FSIP1: variants seen among roughly 807,000 people sequenced by gnomAD.
FSIP1 encodes the protein fibrous sheath interacting protein 1.
Under a neutral mutation model 60.9 loss-of-function variants are expected in FSIP1, and 65 were observed. The observed-to-expected ratio is 1.07, with a 90% CI of 0.87 to 1.31. The LOEUF (loss-of-function observed/expected upper bound fraction) is 1.31, where lower values mean the gene tolerates loss of function less well. Ranked by LOEUF, FSIP1 falls within the 40% of genes most tolerant of loss-of-function variation. The pLI, the probability that FSIP1 is intolerant of heterozygous loss-of-function variation, is 0.00. For synonymous variants in FSIP1, 209 were observed against 221.2 expected, an observed-to-expected ratio of 0.94 and a Z score of 0.49; for missense variants, 675 against 665.5, an observed-to-expected ratio of 1.01 and a Z score of -0.16.
chr15:39,658,548 C>A (rs1893165873), intron 10 of FSIP1, among the ~76,000 whole-genome samples: 1 of 152,110 alleles, frequency 6.6e-6, no homozygotes, highest in Non-Finnish European at 1.5e-5. Context: ...CCGCAACTGG[C>A]CTAAACAGAC....
intron 10 of FSIP1, among the ~76,000 whole-genome samples, chr15:39,676,231 G>A (rs572167851): frequency 6.6e-6 from 1 of 150,500 alleles, no homozygotes; most frequent in Admixed American, 6.6e-5. Context: ...AGAGTCTTGA[G>A]AAACTAGTGG....
intron 5 of FSIP1, among the ~76,000 whole-genome samples, chr15:39,742,991 T>C (rs1896855953): frequency 1.3e-5 from 2 of 152,170 alleles, no homozygotes; most frequent in Admixed American, 6.5e-5. Flanking sequence ...GCAACCACTA[T>C]TATTAGGGGG....
At chr15:39,776,580 A>C (rs1358638307) in intron 1 of FSIP1, 49 bp from the exon 2 acceptor site, 1 of 1,463,302 alleles carries the variant, frequency 6.8e-7, no homozygotes, top group Admixed American at 1.9e-5. Context: ...GGATATTTAA[A>C]TCTTTCATTA....
chr15:39,739,841 C>A (rs769805169), intron 6 of FSIP1, 52 bp from the exon 7 acceptor site: 1 of 1,174,084 alleles, frequency 8.5e-7, no homozygotes, highest in Non-Finnish European at 1.2e-6. Context: ...GTCAATTATG[C>A]TAAAAGTTCA....
At chr15:39,733,802 T>C (rs1017966337) in intron 8 of FSIP1, among the ~76,000 whole-genome samples, 3 of 152,044 alleles carry the variant, frequency 2.0e-5, no homozygotes, top group East Asian at 1.9e-4. Flanking sequence ...AGCAGCAATC[T>C]TGCAAACCTA....
chr15:39,657,396 C>A lies in FSIP1; in HGVS notation c.1189-39151G>T, dbSNP rs571603688. 4.6e-5 allele frequency among the ~76,000 whole-genome samples: 7 copies of A among 152,294 alleles called. No individual in the cohort carries two copies. In the East Asian group the frequency reaches 1.4e-3, roughly 29 times the overall value. On this transcript the variant is annotated intron_variant, in intron 10 of 11. Transcript: ENST00000350221. ...ACATCATATTTGATCCACATGGTCACCATGCTAGATTGATATTATGACCCA... is the reference window on the plus strand; with the variant it reads ...ACATCATATTTGATCCACATGGTCAACATGCTAGATTGATATTATGACCCA...
chr15:39,653,284 G>A (rs1162793408), intron 10 of FSIP1, among the ~76,000 whole-genome samples: 1 of 151,732 alleles, frequency 6.6e-6, no homozygotes, highest in Non-Finnish European at 1.5e-5. Flanking sequence ...GAAAGTCAAG[G>A]CCCAGGACAT....
At chr15:39,663,171 CAT>C (rs1893366179) in intron 10 of FSIP1, among the ~76,000 whole-genome samples, 1 of 151,796 alleles carries the variant, frequency 6.6e-6, no homozygotes, top group South Asian at 2.1e-4. Flanking sequence ...CTCTAAATAC[CAT>C]ATAATAGTGA....
At chr15:39,776,192 G>A (rs1353587431) in intron 2 of FSIP1, among the ~76,000 whole-genome samples, 1 of 53,492 alleles carries the variant, frequency 1.9e-5, no homozygotes, top group Non-Finnish European at 4.2e-5. Context: ...GCGGAGGGAG[G>A]AGAGAGAGGG....
intron 10 of FSIP1, among the ~76,000 whole-genome samples, chr15:39,639,103 C>A (rs534054508): frequency 1.0e-3 from 156 of 152,254 alleles, no homozygotes; most frequent in African/African-American, 3.6e-3. Flanking sequence ...GAGCAAATGG[C>A]TTTTACATAG....
intron 10 of FSIP1, among the ~76,000 whole-genome samples, chr15:39,628,873 G>T (rs1057136379): frequency 5.9e-5 from 9 of 152,200 alleles, no homozygotes; most frequent in Non-Finnish European, 1.3e-4. Flanking sequence ...ACAACTAGTT[G>T]GGAGGAATAC....
intron 10 of FSIP1, among the ~76,000 whole-genome samples, 161 bp downstream of exon 10, chr15:39,713,283 A>G (rs1895596719): frequency 6.6e-6 from 1 of 152,170 alleles, no homozygotes. Context: ...AATAAGAGAG[A>G]TGGACGGGTG....
At chr15:39,705,332 AC>A (rs2140532468) in intron 10 of FSIP1, among the ~76,000 whole-genome samples, 1 of 152,304 alleles carries the variant, frequency 6.6e-6, no homozygotes, top group Admixed American at 6.5e-5. Context: ...TTTAAAAAAA[AC>A]AAAAAATCTT....
intron 11 of FSIP1, among the ~76,000 whole-genome samples, chr15:39,606,283 T>C (rs899551066): frequency 3.9e-5 from 6 of 152,262 alleles, no homozygotes; most frequent in Non-Finnish European, 8.8e-5. Flanking sequence ...TTTAGGGGTA[T>C]TATTTTAAAA....
chr15:39,604,442 A>G lies in FSIP1; in HGVS notation c.1700-3516T>C, dbSNP rs138324805. Among the ~76,000 whole-genome samples the G allele has an allele frequency of 7.6e-4, 116 of 152,392 alleles. 2 individuals are homozygous for G. In the East Asian group the frequency reaches 0.016, roughly 20 times the overall value. Reference sequence around the variant, plus strand: ...TCAAGCATGCCTTTGTTCATTTTATACTGCTAAAATGATAGAGAAAATGAT... The same window carrying G: ...TCAAGCATGCCTTTGTTCATTTTATGCTGCTAAAATGATAGAGAAAATGAT... On this transcript the variant is annotated intron_variant, in intron 11 of 11. Coordinates refer to ENST00000350221, the MANE Select transcript of FSIP1 (RefSeq NM_152597.5).
intron 10 of FSIP1, among the ~76,000 whole-genome samples, chr15:39,685,891 C>CA (rs1166412586): frequency 6.6e-6 from 1 of 152,168 alleles, no homozygotes; most frequent in African/African-American, 2.4e-5. Context: ...GCTCTCTGTA[C>CA]ATTACATGTC....
At position 39,618,195 on chromosome 15, in the gene FSIP1, A is replaced by G. The variant is rs768041110; in HGVS notation, c.1239T>C (p.Asp413=). ...LSEEQLKCLL[D]ECILKQKSII... Reference sequence around the variant, plus strand: ...TGGATTTTTGTTTAAGTATGCATTCATCCAGAAGACACTTTAACTGTTCTT... The same window carrying G: ...TGGATTTTTGTTTAAGTATGCATTCGTCCAGAAGACACTTTAACTGTTCTT... Residue 413 remains aspartate (D), a synonymous_variant, in exon 11 of 12, where the codon GAT becomes GAC. Transcript: ENST00000350221. The G allele has an allele frequency of 6.2e-7, 1 of 1,613,416 alleles. No homozygotes were observed. The highest frequency in any genetic ancestry group is 8.5e-7 in the Non-Finnish European group (1 of 1,179,416).
intron 10 of FSIP1, among the ~76,000 whole-genome samples, chr15:39,656,010 C>T (rs1893056688): frequency 6.6e-6 from 1 of 152,110 alleles, no homozygotes; most frequent in South Asian, 2.1e-4. Context: ...TTAGATGAGG[C>T]TGAAAGGGCA....
chr15:39,633,236 C>T (rs1239038049), intron 10 of FSIP1, among the ~76,000 whole-genome samples: 2 of 151,932 alleles, frequency 1.3e-5, no homozygotes, highest in East Asian at 1.9e-4. Flanking sequence ...ACTATAGGCA[C>T]GCACCATTGC....
Sources: allele counts gnomAD v4.1 joint callset (sites outside exome capture counted in the v4.1 genomes callset), GRCh38; gene constraint gnomAD v4.1.1; transcripts MANE v1.5; gene names NCBI Gene and HGNC (gene_info 2026-07-23, HGNC 2026-07-21).